The following PLP1 variants were observed in gnomAD, a reference collection of about 807,000 sequenced individuals.
PLP1 encodes myelin proteolipid protein.
In PLP1, 2 loss-of-function variants were observed where a neutral mutation model predicts 18.5. That is an observed-to-expected ratio of 0.11 (90% CI 0.04 to 0.34). The LOEUF is 0.34. Among genes scored for constraint, PLP1 ranks in the 10% least tolerant of loss-of-function variants. PLP1 has a pLI of 1.00. For synonymous variants in PLP1, 86 were observed against 83.2 expected, an observed-to-expected ratio of 1.03 and a Z score of -0.19; for missense variants, 105 against 207.3, an observed-to-expected ratio of 0.51 and a Z score of 3.03.
Position 103,787,992 on chromosome X carries a change from C to T in PLP1, c.622+26C>T, listed in dbSNP as rs776423464. On this transcript the variant is annotated intron_variant, in intron 4 of 6. Coordinates refer to ENST00000621218, the MANE Select transcript of PLP1 (RefSeq NM_000533.5). Reference sequence around the variant, plus strand: ...GTGAGTTAGGGTACGGGTGCTTTGGCTCTCCTACCCACTATGGAAGCACTA... The same window carrying T: ...GTGAGTTAGGGTACGGGTGCTTTGGTTCTCCTACCCACTATGGAAGCACTA... The T allele has an allele frequency of 2.0e-5, 23 of 1,135,847 alleles. No homozygotes were observed. The Admixed American group carries it at 3.5e-4, about 17-fold the overall frequency. The allele number at this position is 1,135,847 out of a possible 1,213,427, so 93.6% of individuals were successfully genotyped here.
intron 1 of PLP1, among the ~76,000 whole-genome samples, chrX:103,783,168 AGTT>A (rs1332160306): frequency 8.9e-6 from 1 of 111,798 alleles, no homozygotes; most frequent in Non-Finnish European, 1.9e-5. Flanking sequence ...AATCGATTTC[AGTT>A]GTTGTGTTTT....
chrX:103,792,553 A>G lies in PLP1; in HGVS notation c.*1955A>G, dbSNP rs771842340. The G allele has an allele frequency of 8.9e-6, 1 of 112,901 alleles. No individual in the cohort carries two copies. The highest frequency in any genetic ancestry group is 3.7e-4 in the South Asian group (1 of 2,712). The allele number at this position is 112,901 out of a possible 1,213,427, so 9.3% of individuals were successfully genotyped here. ...ACACACATAAAGGATAAACTTTTAG[A>G]AACTTATCTTACAAAGTGTATTTTA... On this transcript the variant is annotated 3_prime_UTR_variant, in exon 7 of 7. Transcript: ENST00000621218.
chrX:103,785,974 C>CGCGG, intron 2 of PLP1: 1 of 521,946 alleles, frequency 1.9e-6, no homozygotes, highest in Non-Finnish European at 3.1e-6. Flanking sequence ...GCCTGTCAGC[C>CGCGG]CCTCCCACCC....
At chrX:103,779,421 G>A (rs754862834) in intron 1 of PLP1, among the ~76,000 whole-genome samples, 1 of 111,814 alleles carries the variant, frequency 8.9e-6, no homozygotes, top group East Asian at 2.8e-4. Context: ...TAAAATGCCC[G>A]AAGACTAACT....
intron 5 of PLP1, chrX:103,788,969 T>C (rs1167411102): frequency 4.5e-5 from 14 of 313,653 alleles, no homozygotes; most frequent in South Asian, 2.1e-4. Flanking sequence ...AGATATTATA[T>C]ACAAATGAGG....
Position 103,787,804 on chromosome X carries a change from G to A in PLP1, c.460G>A (p.Gly154Ser), listed in dbSNP as rs746502580. The A allele has an allele frequency of 4.1e-5, 49 of 1,206,518 alleles. No individual in the cohort carries two copies. In the South Asian group the frequency reaches 8.3e-4, roughly 20 times the overall value. ...CCCATGTCAATCATTTTAGTTTGTG[G>A]GCATCACCTATGCCCTGACCGTTGT... is the stretch of plus-strand genomic sequence containing the variant. Reference protein sequence around the residue: ...KWLGHPDKFVGITYALTVVWL... With the variant: ...KWLGHPDKFVSITYALTVVWL... The change falls in exon 4 of 7, where the codon GGC becomes AGC. Residue 154 changes from glycine to serine, a missense_variant. By Grantham distance (56) the Gly-to-Ser change is moderately conservative. Coordinates refer to ENST00000621218, the MANE Select transcript of PLP1 (RefSeq NM_000533.5).
At position 103,790,802 on chromosome X, in the gene PLP1, C is replaced by T; in HGVS notation, c.*204C>T. ...TTATGTACCTCTTTTAGTCATTTTG[C>T]TTCATAGCTGGTTCCTGCTAGAAAT... On this transcript the variant is annotated 3_prime_UTR_variant, in exon 7 of 7. Transcript: ENST00000621218. 2.3e-6 allele frequency: 1 copy of T among 443,810 alleles called. No homozygotes were observed. The highest frequency in any genetic ancestry group is 4.0e-6 in the Non-Finnish European group (1 of 251,317). The allele number at this position is 443,810 out of a possible 1,213,427, so 36.6% of individuals were successfully genotyped here. A position where few individuals can be genotyped will look rare whatever the true frequency, so the allele number is the denominator to read the frequency against.
chrX:103,786,516 T>C lies in PLP1; in HGVS notation c.243T>C (p.Leu81=). 1 of 1,210,160 alleles carries C rather than the reference T, an allele frequency of 8.3e-7. No homozygotes were observed. The highest frequency in any genetic ancestry group is 1.1e-6 in the Non-Finnish European group (1 of 894,338). ...ATGGAACTGCCTCTTTCTTCTTCCT[T>C]TATGGGGCCCTCCTGCTGGCTGAGG... ...VIYGTASFFF[L]YGALLLAEGF... is the part of the protein sequence containing the mutation. The change falls in exon 3 of 7, where the codon CTT becomes CTC. Residue 81 remains leucine, a synonymous_variant. Transcript: ENST00000621218.
At position 103,790,717 on chromosome X, in the gene PLP1, G is replaced by A. The variant is rs2074538267; in HGVS notation, c.*119G>A. ...CCAACTGGCCCTCTTCTTACTTGATGAGTGTAACAAGAAAGGAGAGTCTTG... is the reference window on the plus strand; with the variant it reads ...CCAACTGGCCCTCTTCTTACTTGATAAGTGTAACAAGAAAGGAGAGTCTTG... On this transcript the variant is annotated 3_prime_UTR_variant, in exon 7 of 7. Transcript: ENST00000621218. 1 of 577,167 alleles carries A rather than the reference G, an allele frequency of 1.7e-6. No homozygotes were observed. The highest frequency in any genetic ancestry group is 2.2e-5 in the African/African-American group (1 of 44,816). 47.6% of individuals were successfully genotyped at this position (577,167 alleles called of 1,213,427 possible). A position where few individuals can be genotyped will look rare whatever the true frequency, so the allele number is the denominator to read the frequency against.
chrX:103,781,102 C>G (rs1200040208), intron 1 of PLP1: 1 of 216,138 alleles, frequency 4.6e-6, no homozygotes, highest in African/African-American at 2.9e-5. Flanking sequence ...TACAATTGGT[C>G]TCTTTCTACC....
At chrX:103,784,038 G>T (rs1267070649) in intron 1 of PLP1, among the ~76,000 whole-genome samples, 3 of 112,226 alleles carry the variant, frequency 2.7e-5, no homozygotes, top group Non-Finnish European at 3.8e-5. Flanking sequence ...CTGGCCGAGA[G>T]GCCAGAGGAA....
At chrX:103,786,891 C>T in intron 3 of PLP1, 165 bp downstream of exon 3, 1 of 542,887 alleles carries the variant, frequency 1.8e-6, no homozygotes, top group South Asian at 2.9e-5. Context: ...GAACGTGGTG[C>T]CCAGCTGGCT....
chrX:103,780,625 C>T (rs759384122), intron 1 of PLP1, among the ~76,000 whole-genome samples: 3 of 111,199 alleles, frequency 2.7e-5, no homozygotes, highest in East Asian at 2.8e-4. Context: ...ATTCCCAGGC[C>T]CCAGAGACTT....
chrX:103,786,126 C>T lies in PLP1; in HGVS notation c.192-339C>T, dbSNP rs777670118. On this transcript the variant is annotated intron_variant, in intron 2 of 6. Transcript: ENST00000621218. ...CCTGTTCCTAGAACAAGTTAGGCTC[C>T]TGTTCCTTCACCCACCTTTCTTCTT... The T allele has an allele frequency of 2.0e-4, 219 of 1,092,525 alleles. 1 individual carries two copies. The South Asian group carries it at 4.1e-3, about 21-fold the overall frequency. The allele number at this position is 1,092,525 out of a possible 1,213,427, so 90.0% of individuals were successfully genotyped here. A position where few individuals can be genotyped will look rare whatever the true frequency, so the allele number is the denominator to read the frequency against.
chrX:103,787,535 C>T (rs922079761), intron 3 of PLP1: 1 of 423,899 alleles, frequency 2.4e-6, no homozygotes, highest in Non-Finnish European at 4.1e-6. Flanking sequence ...CCAAAAACAT[C>T]CTCTGAAGCC....
At chrX:103,789,469 G>T in intron 6 of PLP1, 71 bp downstream of exon 6, 1 of 822,612 alleles carries the variant, frequency 1.2e-6, no homozygotes, top group South Asian at 2.0e-5. Flanking sequence ...ATTCTGAAAG[G>T]CAAGAAGGTA....
In PLP1 at chrX:103,786,960, T is replaced by A. The variant is rs923551386; in HGVS notation, c.453+234T>A. On this transcript the variant is annotated intron_variant, in intron 3 of 6. Transcript: ENST00000621218. Reference sequence around the variant, plus strand: ...TTCTTCTCAAAACAGAAAGCATGAGTTTTGTGGGATGCTTTGTACAATCAG... The same window carrying A: ...TTCTTCTCAAAACAGAAAGCATGAGATTTGTGGGATGCTTTGTACAATCAG... The A allele has an allele frequency of 7.0e-6, 3 of 426,942 alleles. No individual in the cohort carries two copies. In the African/African-American group the frequency reaches 7.5e-5, roughly 11 times the overall value. The allele number at this position is 426,942 out of a possible 1,213,427, so 35.2% of individuals were successfully genotyped here. A position where few individuals can be genotyped will look rare whatever the true frequency, so the allele number is the denominator to read the frequency against.
At chrX:103,785,866 T>G in intron 2 of PLP1, 98 bp downstream of exon 2, 3 of 833,923 alleles carry the variant, frequency 3.6e-6, no homozygotes. Context: ...AGCAGGGGAC[T>G]GGGGTGGAGC....
At chrX:103,788,378 T>G in intron 4 of PLP1, 59 bp from the exon 5 acceptor site, 1 of 852,471 alleles carries the variant, frequency 1.2e-6, no homozygotes, top group Non-Finnish European at 1.8e-6. Flanking sequence ...GGGGAAAGTC[T>G]CCATGTGGCC....
Sources: allele counts gnomAD v4.1 joint callset (sites outside exome capture counted in the v4.1 genomes callset), GRCh38; gene constraint gnomAD v4.1.1; transcripts MANE v1.5; gene names NCBI Gene and HGNC (gene_info 2026-07-23, HGNC 2026-07-21).